NT5C1A: variants seen among roughly 807,000 people sequenced by gnomAD.
NT5C1A encodes 5'-nucleotidase, cytosolic IA, also known as cytosolic 5'-nucleotidase 1A.
NT5C1A carries 18 observed loss-of-function variants against 31.0 expected under a neutral mutation model. The observed-to-expected ratio is 0.58, with a 90% CI of 0.40 to 0.86. The LOEUF is 0.86. NT5C1A is among the 40% of genes least tolerant of loss of function. The pLI, the probability that NT5C1A is intolerant of heterozygous loss-of-function variation, is 0.00. For synonymous variants in NT5C1A, 185 were observed against 203.6 expected, an observed-to-expected ratio of 0.91 and a Z score of 0.78; for missense variants, 470 against 505.4, an observed-to-expected ratio of 0.93 and a Z score of 0.67.
intron 2 of NT5C1A, 64 bp downstream of exon 2, chr1:39,666,005 G>T: frequency 6.8e-7 from 1 of 1,472,506 alleles, no homozygotes; most frequent in East Asian, 2.3e-5. Context: ...AATACTCATG[G>T]GAGTGCTTTT....
rs903329904 is a variant in NT5C1A at position 39,655,419 on chromosome 1, G to A, written c.*3702C>T. 9.9e-5 allele frequency among the ~76,000 whole-genome samples: 15 copies of A among 152,182 alleles called. No individual in the cohort carries two copies. Among genetic ancestry groups the A allele is most frequent in the African/African-American group, 3.4e-4 (14 of 41,448 alleles). ...CGTTTGGCTCTAATTTAAATTATTT[G>A]TAGGTGTTTAGGAAGCTATAATAAA... is the stretch of plus-strand genomic sequence containing the variant. On this transcript the variant is annotated 3_prime_UTR_variant, in exon 6 of 6. Coordinates refer to ENST00000235628, the MANE Select transcript of NT5C1A (RefSeq NM_032526.3).
Position 39,654,668 on chromosome 1 carries a change from G to A in NT5C1A, c.*4453C>T, listed in dbSNP as rs924982356. ...GTCAAAACTTGGAATCTTCAGATGGGCATGGAGCCCCATGTCCCTTCCCTT... is the reference window on the plus strand; with the variant it reads ...GTCAAAACTTGGAATCTTCAGATGGACATGGAGCCCCATGTCCCTTCCCTT... On this transcript the variant is annotated 3_prime_UTR_variant, in exon 6 of 6. Transcript: ENST00000235628. Among the ~76,000 whole-genome samples the A allele has an allele frequency of 6.6e-6, 1 of 152,214 alleles. No homozygotes were observed. Among genetic ancestry groups the A allele is most frequent in the Non-Finnish European group, 1.5e-5 (1 of 68,036 alleles).
At position 39,655,130 on chromosome 1, in the gene NT5C1A, C is replaced by T. The variant is rs1350357287; in HGVS notation, c.*3991G>A. Among the ~76,000 whole-genome samples the T allele has an allele frequency of 3.9e-5, 6 of 152,062 alleles. No individual in the cohort carries two copies. Among genetic ancestry groups the T allele is most frequent in the East Asian group, 1.9e-4 (1 of 5,180 alleles). ...CTAATTTTTGTATTTTTAGTAGAGACGGGGTTTCATCATGTTGGGCAGGAT... is the reference window on the plus strand; with the variant it reads ...CTAATTTTTGTATTTTTAGTAGAGATGGGGTTTCATCATGTTGGGCAGGAT... On this transcript the variant is annotated 3_prime_UTR_variant, in exon 6 of 6. Transcript: ENST00000235628.
In NT5C1A at chr1:39,652,365, T is replaced by C. The variant is rs1182964; in HGVS notation, c.*6756A>G. ...TTCTCTTCAAAAATGGGGCGGACTA[T>C]CCGGCAACCTCAGGCCACATTCCCA... On this transcript the variant is annotated 3_prime_UTR_variant, in exon 6 of 6. Coordinates refer to ENST00000235628, the MANE Select transcript of NT5C1A (RefSeq NM_032526.3). 0.49 allele frequency among the ~76,000 whole-genome samples: 74,029 copies of C among 152,078 alleles called. 18,190 individuals are homozygous for C. The highest frequency in any genetic ancestry group is 0.61 in the Middle Eastern group (178 of 292).
chr1:39,660,452 G>C (rs1051713584), intron 5 of NT5C1A, among the ~76,000 whole-genome samples: 2 of 152,210 alleles, frequency 1.3e-5, no homozygotes, highest in African/African-American at 4.8e-5. Flanking sequence ...TTGAGGGTGA[G>C]TGAGGGTCCC....
rs1646476870 is a variant in NT5C1A at position 39,659,096 on chromosome 1, T to C, written c.*25A>G. 1 of 1,562,486 alleles carries C rather than the reference T, an allele frequency of 6.4e-7. No homozygotes were observed. The highest frequency in any genetic ancestry group is 8.7e-7 in the Non-Finnish European group (1 of 1,153,158). On this transcript the variant is annotated 3_prime_UTR_variant, in exon 6 of 6. Transcript: ENST00000235628. ...GTATGTCAGGGAGCCTGGAGCAATG[T>C]GGATCAGTAAAGCCGGTGGTTCAGC...
At position 39,658,684 on chromosome 1, in the gene NT5C1A, G is replaced by A. The variant is rs1428059837; in HGVS notation, c.*437C>T. ...AAACTGCCCAAAAGATGGGGAAACT[G>A]GGGGCCATGAAGGGGAGGGATTACT... is the stretch of plus-strand genomic sequence containing the variant. On this transcript the variant is annotated 3_prime_UTR_variant, in exon 6 of 6. Transcript: ENST00000235628. Among the ~76,000 whole-genome samples the A allele has an allele frequency of 6.6e-6, 1 of 152,218 alleles. No individual in the cohort carries two copies. The highest frequency in any genetic ancestry group is 1.5e-5 in the Non-Finnish European group (1 of 68,038).
At position 39,666,235 on chromosome 1, in the gene NT5C1A, G is replaced by A; in HGVS notation, c.137C>T (p.Pro46Leu). 1.9e-6 allele frequency: 3 copies of A among 1,613,224 alleles called. No homozygotes were observed. The highest frequency in any genetic ancestry group is 2.2e-5 in the South Asian group (2 of 91,028). ...GATGGTGACTGCATTCTGAGGCTTGGGCTGCAGAGGTATGGGAGAAGGGGT... is the reference window on the plus strand; with the variant it reads ...GATGGTGACTGCATTCTGAGGCTTGAGCTGCAGAGGTATGGGAGAAGGGGT... ...NLAPKKKPKS[P>L]KPQNAVTIAV... Residue 46 changes from proline (P) to leucine (L), a missense_variant and splice_region_variant, in exon 2 of 6, where the codon CCC becomes CTC. Coordinates refer to ENST00000235628, the MANE Select transcript of NT5C1A (RefSeq NM_032526.3).
chr1:39,657,037 G>A lies in NT5C1A; in HGVS notation c.*2084C>T, dbSNP rs1312779735. ...CTCCTCTGTTAGCCAGAAGGATCCT[G>A]GCTGTGCAGTGGAAATGACCTCGTG... On this transcript the variant is annotated 3_prime_UTR_variant, in exon 6 of 6. Transcript: ENST00000235628. 6.6e-6 allele frequency among the ~76,000 whole-genome samples: 1 copy of A among 152,214 alleles called. No homozygotes were observed. Among genetic ancestry groups the A allele is most frequent in the African/African-American group, 2.4e-5 (1 of 41,446 alleles).
chr1:39,654,266 A>T lies in NT5C1A; in HGVS notation c.*4855T>A, dbSNP rs561651222. 2.6e-5 allele frequency among the ~76,000 whole-genome samples: 4 copies of T among 152,146 alleles called. No homozygotes were observed. The highest frequency in any genetic ancestry group is 5.9e-5 in the Non-Finnish European group (4 of 68,020). On this transcript the variant is annotated 3_prime_UTR_variant, in exon 6 of 6. Coordinates refer to ENST00000235628, the MANE Select transcript of NT5C1A (RefSeq NM_032526.3). ...AGCTGTTACAGGAGTTTTCTCTCTC[A>T]CTTGATCAGTAACTTCTGAACCGGC...
intron 2 of NT5C1A, 43 bp from the exon 3 acceptor site, chr1:39,665,693 T>C: frequency 6.3e-7 from 1 of 1,596,178 alleles, no homozygotes; most frequent in South Asian, 1.1e-5. Flanking sequence ...CCCCAAGGAT[T>C]GATACCTGAA....
At position 39,651,716 on chromosome 1, in the gene NT5C1A, T is replaced by C. The variant is rs760752844; in HGVS notation, c.*7405A>G. Reference sequence around the variant, plus strand: ...AAGTAGAAACCAGAAGTTAAGTATATGTGCGCTATTACATTAATAAAGAAG... The same window carrying C: ...AAGTAGAAACCAGAAGTTAAGTATACGTGCGCTATTACATTAATAAAGAAG... On this transcript the variant is annotated 3_prime_UTR_variant, in exon 6 of 6. Transcript: ENST00000235628. 4.6e-5 allele frequency among the ~76,000 whole-genome samples: 7 copies of C among 152,158 alleles called. No homozygotes were observed. Among genetic ancestry groups the C allele is most frequent in the Admixed American group, 6.5e-5 (1 of 15,276 alleles).
Position 39,666,227 on chromosome 1 carries a change from G to C in NT5C1A, c.145C>G (p.Gln49Glu). Residue 49 changes from glutamine (Q) to glutamate (E), a missense_variant, in exon 2 of 6, where the codon CAG becomes GAG. Transcript: ENST00000235628. ...GACACAGCGATGGTGACTGCATTCT[G>C]AGGCTTGGGCTGCAGAGGTATGGGA... Reference protein sequence around the residue: ...PKKKPKSPKPQNAVTIAVSSR... With the variant: ...PKKKPKSPKPENAVTIAVSSR... 6.2e-7 allele frequency: 1 copy of C among 1,613,438 alleles called. No homozygotes were observed.
chr1:39,670,212 G>A (rs1228720525), intron 1 of NT5C1A, among the ~76,000 whole-genome samples: 1 of 152,220 alleles, frequency 6.6e-6, no homozygotes, highest in East Asian at 1.9e-4. Context: ...GCAGACTTAA[G>A]CTTCAGCATC....
intron 5 of NT5C1A, 127 bp downstream of exon 5, chr1:39,660,952 G>A (rs1029103283): frequency 1.6e-5 from 10 of 609,872 alleles, no homozygotes; most frequent in Non-Finnish European, 2.4e-5. Context: ...TGAGAGGGTC[G>A]AGGGGACCAG....
chr1:39,662,989 T>A (rs529693363), intron 4 of NT5C1A, among the ~76,000 whole-genome samples: 1 of 152,236 alleles, frequency 6.6e-6, no homozygotes, highest in African/African-American at 2.4e-5. Context: ...GAATCAGAAC[T>A]CCTTCTGACT....
rs1285484276 is a variant in NT5C1A at position 39,655,551 on chromosome 1, G to T, written c.*3570C>A. Among the ~76,000 whole-genome samples the T allele has an allele frequency of 2.0e-5, 3 of 152,156 alleles. No homozygotes were observed. Among genetic ancestry groups the T allele is most frequent in the African/African-American group, 7.2e-5 (3 of 41,432 alleles). On this transcript the variant is annotated 3_prime_UTR_variant, in exon 6 of 6. Coordinates refer to ENST00000235628, the MANE Select transcript of NT5C1A (RefSeq NM_032526.3). The stretch of plus-strand genomic sequence containing the variant: ...GAAGACCTCAGAATGGAGCTTCTCT[G>T]GCTATCTCCATGCATATGTATGAGC...
intron 1 of NT5C1A, among the ~76,000 whole-genome samples, chr1:39,670,074 G>T (rs1358040117): frequency 6.6e-6 from 1 of 151,812 alleles, no homozygotes; most frequent in Non-Finnish European, 1.5e-5. Context: ...ATATATAATT[G>T]GTGTTTATTT....
chr1:39,659,178 A>C lies in NT5C1A; in HGVS notation c.1050T>G (p.Gly350=). 6.2e-7 allele frequency: 1 copy of C among 1,613,750 alleles called. No homozygotes were observed. The highest frequency in any genetic ancestry group is 1.7e-4 in the Middle Eastern group (1 of 5,998). The change falls in exon 6 of 6, where the codon GGT becomes GGG. Residue 350 remains glycine, a synonymous_variant. Coordinates refer to ENST00000235628, the MANE Select transcript of NT5C1A (RefSeq NM_032526.3). ...CAGTCCGCCGGGGTGTCTGTGCCAC[A>C]CCATAAGGCACATGGGCGGCCACAG... The part of the protein sequence containing the change: ...MGTVAAHVPY[G]VAQTPRRTAP...
Sources: allele counts gnomAD v4.1 joint callset (sites outside exome capture counted in the v4.1 genomes callset), GRCh38; gene constraint gnomAD v4.1.1; transcripts MANE v1.5; gene names NCBI Gene and HGNC (gene_info 2026-07-23, HGNC 2026-07-21).